Variants in MSH3 observed in about 807,000 individuals in gnomAD.
The protein encoded by MSH3 is mutS homolog 3, also known as DNA mismatch repair protein Msh3.
MSH3 carries 106 observed loss-of-function variants against 123.3 expected under a neutral mutation model. The observed-to-expected ratio is 0.86, with a 90% confidence interval of 0.73 to 1.01. The LOEUF is 1.01. Among genes scored for constraint, MSH3 ranks in the 50% least tolerant of loss-of-function variants. The pLI is 0.00. For synonymous variants in MSH3, 515 were observed against 481.4 expected, an observed-to-expected ratio of 1.07 and a Z score of -0.91; for missense variants, 1,459 against 1,347.6, an observed-to-expected ratio of 1.08 and a Z score of -1.29.
At chr5:80,764,441 C>A (rs1744090625) in intron 13 of MSH3, among the ~76,000 whole-genome samples, 1 of 151,830 alleles carries the variant, frequency 6.6e-6, no homozygotes, top group Non-Finnish European at 1.5e-5. Context: ...AGTGGTGCGA[C>A]CACAGCTCAC....
chr5:80,866,527 G>T (rs1447214850), intron 22 of MSH3, among the ~76,000 whole-genome samples: 1 of 152,130 alleles, frequency 6.6e-6, no homozygotes, highest in Non-Finnish European at 1.5e-5. Context: ...TTCAGTTCAC[G>T]TCCTTCCCCA....
At chr5:80,872,733 G>T (rs185982833) in intron 22 of MSH3, among the ~76,000 whole-genome samples, 2 of 151,672 alleles carry the variant, frequency 1.3e-5, no homozygotes, top group African/African-American at 4.8e-5. Flanking sequence ...CTTGAGCCCA[G>T]GAGTTTGATG....
intron 20 of MSH3, among the ~76,000 whole-genome samples, chr5:80,833,497 C>T (rs892184894): frequency 3.3e-5 from 5 of 152,098 alleles, no homozygotes; most frequent in African/African-American, 4.8e-5. Context: ...GGCTGGAGTG[C>T]AGTGGCACCA....
At chr5:80,836,543 C>CCAAA (rs1745517050) in intron 20 of MSH3, among the ~76,000 whole-genome samples, 2 of 118,822 alleles carry the variant, frequency 1.7e-5, no homozygotes, top group Non-Finnish European at 3.4e-5. Context: ...GAATATGCCA[C>CCAAA]AAAAAAAAAA....
In MSH3 at chr5:80,838,271, A is replaced by C. The variant is rs550775776; in HGVS notation, c.2814-15859A>C. Among the ~76,000 whole-genome samples, 214 of 152,308 alleles carry C rather than the reference A, an allele frequency of 1.4e-3. 2 individuals carry two copies. Among genetic ancestry groups the C allele is most frequent in the African/African-American group, 4.9e-3 (202 of 41,566 alleles). On this transcript the variant is annotated intron_variant, in intron 20 of 23. Transcript: ENST00000265081. ...GGTACTTTTCAGCCTCTTAAAGTAC[A>C]GTAGAGTGTCCTCTAAAGCCGAGTG... is the stretch of plus-strand genomic sequence containing the variant.
chr5:80,698,222 A>T (rs964364282), intron 8 of MSH3, among the ~76,000 whole-genome samples: 1 of 152,160 alleles, frequency 6.6e-6, no homozygotes, highest in Non-Finnish European at 1.5e-5. Flanking sequence ...ATTTTGATGG[A>T]TGTTTCCAGT....
At chr5:80,697,300 T>C (rs1264687444) in intron 8 of MSH3, among the ~76,000 whole-genome samples, 1 of 152,222 alleles carries the variant, frequency 6.6e-6, no homozygotes, top group Non-Finnish European at 1.5e-5. Context: ...GTGCCTGAGT[T>C]ATACAAGGTG....
chr5:80,793,182 G>A (rs1258784599), intron 19 of MSH3, among the ~76,000 whole-genome samples: 1 of 152,204 alleles, frequency 6.6e-6, no homozygotes, highest in Non-Finnish European at 1.5e-5. Flanking sequence ...TCCATCCTTT[G>A]TACTGTGACT....
chr5:80,808,858 CATATAT>C (rs747818551), intron 19 of MSH3, among the ~76,000 whole-genome samples: 1 of 66,158 alleles, frequency 1.5e-5, no homozygotes, highest in Non-Finnish European at 3.1e-5. Flanking sequence ...ATATCTTCTT[CATATAT>C]ATATATATAT....
intron 19 of MSH3, among the ~76,000 whole-genome samples, chr5:80,805,909 C>CA (rs1196147970): frequency 6.6e-6 from 1 of 151,430 alleles, no homozygotes; most frequent in Non-Finnish European, 1.5e-5. Context: ...CTTTTGATGA[C>CA]AAAAAAAGCC....
chr5:80,813,307 G>A (rs1745041481), intron 19 of MSH3, among the ~76,000 whole-genome samples: 1 of 152,160 alleles, frequency 6.6e-6, no homozygotes, highest in South Asian at 2.1e-4. Flanking sequence ...TATGCACATA[G>A]GCAGATTAAA....
At chr5:80,869,637 C>G (rs1408429145) in intron 22 of MSH3, among the ~76,000 whole-genome samples, 2 of 151,838 alleles carry the variant, frequency 1.3e-5, no homozygotes. Context: ...ATGATACACT[C>G]AGCAACTGTT....
At chr5:80,796,730 G>A (rs960924552) in intron 19 of MSH3, among the ~76,000 whole-genome samples, 1 of 151,952 alleles carries the variant, frequency 6.6e-6, no homozygotes, top group African/African-American at 2.4e-5. Flanking sequence ...CCAACTTTCT[G>A]CCCGCTTTTC....
intron 8 of MSH3, among the ~76,000 whole-genome samples, chr5:80,689,376 A>G (rs147064251): frequency 2.8e-3 from 427 of 152,314 alleles, no homozygotes; most frequent in Admixed American, 4.4e-3. Flanking sequence ...GTTAAATTAT[A>G]ATTTTAAAAT....
At chr5:80,661,827 C>T (rs960575306) in intron 2 of MSH3, among the ~76,000 whole-genome samples, 2 of 152,064 alleles carry the variant, frequency 1.3e-5, no homozygotes, top group Admixed American at 6.6e-5. Context: ...AATTAAATTC[C>T]TTTGGATCAC....
At chr5:80,655,814 G>A (rs993543972) in intron 1 of MSH3, among the ~76,000 whole-genome samples, 1 of 151,600 alleles carries the variant, frequency 6.6e-6, no homozygotes, top group African/African-American at 2.4e-5. Context: ...TGTTTTTTTT[G>A]AGGACGAGCT....
chr5:80,824,389 C>CGG (rs1580072530), intron 20 of MSH3, among the ~76,000 whole-genome samples: 1 of 148,126 alleles, frequency 6.8e-6, no homozygotes, highest in East Asian at 2.0e-4. Context: ...CCCTCCAGGA[C>CGG]GGGGGCTGCC....
At position 80,780,089 on chromosome 5, in the gene MSH3, C is replaced by T. The variant is rs796331142; in HGVS notation, c.2435+1253C>T. 4.6e-5 allele frequency among the ~76,000 whole-genome samples: 7 copies of T among 152,056 alleles called. No homozygotes were observed. In the South Asian group the frequency reaches 1.5e-3, roughly 32 times the overall value. On this transcript the variant is annotated intron_variant, in intron 17 of 23. Coordinates refer to ENST00000265081, the MANE Select transcript of MSH3 (RefSeq NM_002439.5). The stretch of plus-strand genomic sequence containing the variant: ...TCCTTGCCATTGTCTCAAAGAATGC[C>T]TTATATTCTGGATTTATTGATAGTC...
chr5:80,662,514 T>C (rs1286453874), intron 2 of MSH3, among the ~76,000 whole-genome samples: 1 of 152,152 alleles, frequency 6.6e-6, no homozygotes, highest in African/African-American at 2.4e-5. Flanking sequence ...AAATAAAATA[T>C]AGGGACAAAT....
Sources: gnomAD v4.1 joint callset for allele counts (sites outside exome capture counted in the v4.1 genomes callset) on GRCh38, gnomAD v4.1.1 for gene constraint, MANE v1.5 for transcripts, NCBI Gene and HGNC (gene_info 2026-07-23, HGNC 2026-07-21) for gene names.